NCLN: variants seen among roughly 807,000 people sequenced by gnomAD.
The protein encoded by NCLN is nicalin, also known as BOS complex subunit NCLN.
NCLN carries 34 observed loss-of-function variants against 69.5 expected under a neutral mutation model. The observed-to-expected ratio is 0.49, with a 90% CI of 0.37 to 0.65. NCLN has a LOEUF of 0.65. Ranked by LOEUF, NCLN falls within the 30% of genes least tolerant of loss-of-function variation. NCLN has a pLI of 0.00. For synonymous variants in NCLN, 393 were observed against 358.3 expected, an observed-to-expected ratio of 1.10 and a Z score of -1.09; for missense variants, 710 against 804.8, an observed-to-expected ratio of 0.88 and a Z score of 1.42.
intron 1 of NCLN, among the ~76,000 whole-genome samples, chr19:3,191,387 A>G (rs1384659186): frequency 6.6e-6 from 1 of 152,174 alleles, no homozygotes; most frequent in Non-Finnish European, 1.5e-5. Flanking sequence ...GCTCTCAGCG[A>G]CGGCCGTGGC....
intron 7 of NCLN, 43 bp downstream of exon 7, chr19:3,203,887 G>T: frequency 1.9e-6 from 3 of 1,599,800 alleles, no homozygotes; most frequent in South Asian, 1.1e-5. Context: ...CGGTGGTGGT[G>T]CCGTGGGGAG....
chr19:3,201,656 G>T, intron 6 of NCLN, 30 bp downstream of exon 6: 1 of 1,445,632 alleles, frequency 6.9e-7, no homozygotes, highest in South Asian at 1.2e-5. Flanking sequence ...GGGGGATGGG[G>T]GTGCGGGGGC....
chr19:3,206,550 A>G, intron 12 of NCLN, 125 bp downstream of exon 12: 6 of 1,277,394 alleles, frequency 4.7e-6, no homozygotes, highest in Non-Finnish European at 6.3e-6. Context: ...AGAGGGTGGG[A>G]TGAGGGCCGG....
intron 6 of NCLN, among the ~76,000 whole-genome samples, chr19:3,202,527 C>T (rs1326168891): frequency 6.6e-6 from 1 of 152,222 alleles, no homozygotes; most frequent in Non-Finnish European, 1.5e-5. Context: ...GTCACCTGCT[C>T]CCGAGATGGT....
intron 13 of NCLN, 55 bp from the exon 14 acceptor site, chr19:3,207,336 T>G (rs1212277940): frequency 6.2e-7 from 1 of 1,612,008 alleles, no homozygotes; most frequent in Admixed American, 1.7e-5. Context: ...GGTCTAGGGG[T>G]TCATGTTACT....
At chr19:3,194,360 G>A (rs1599351670) in intron 3 of NCLN, among the ~76,000 whole-genome samples, 1 of 152,220 alleles carries the variant, frequency 6.6e-6, no homozygotes, top group South Asian at 2.1e-4. Flanking sequence ...TCCAGCCTGG[G>A]CAACAAGAGC....
rs1477604130 is a variant in NCLN at position 3,208,300 on chromosome 19, G to T, written c.*612G>T. 1 of 152,342 alleles carries T rather than the reference G, an allele frequency of 6.6e-6. No individual in the cohort carries two copies. The highest frequency in any genetic ancestry group is 1.5e-5 in the Non-Finnish European group (1 of 68,114). 9.4% of individuals were successfully genotyped at this position (152,342 alleles called of 1,614,324 possible). A position where few individuals can be genotyped will look rare whatever the true frequency, so the allele number is the denominator to read the frequency against. The stretch of plus-strand genomic sequence containing the variant: ...CCGTCCCCCTGACAGTGGGCTCGGG[G>T]AGCTGCATCACCCAGCCTTCCCCTT... On this transcript the variant is annotated 3_prime_UTR_variant, in exon 15 of 15. Transcript: ENST00000246117.
At chr19:3,194,555 G>A (rs999276449) in intron 3 of NCLN, among the ~76,000 whole-genome samples, 2 of 152,182 alleles carry the variant, frequency 1.3e-5, no homozygotes, top group Non-Finnish European at 2.9e-5. Flanking sequence ...CTGAATTGCC[G>A]TGGCTGCGGC....
chr19:3,199,060 G>A (rs1916054136), intron 5 of NCLN, among the ~76,000 whole-genome samples, 163 bp downstream of exon 5: 1 of 152,214 alleles, frequency 6.6e-6, no homozygotes, highest in Non-Finnish European at 1.5e-5. Flanking sequence ...CCTCAGGGTG[G>A]GTGTCGTGGG....
rs907478402 is a variant in NCLN, at chr19:3,208,550, A to T, written c.*862A>T. The T allele has an allele frequency of 6.6e-6, 1 of 152,464 alleles. No homozygotes were observed. Among genetic ancestry groups the T allele is most frequent in the Non-Finnish European group, 1.5e-5 (1 of 68,210 alleles). The allele number at this position is 152,464 out of a possible 1,614,324, so 9.4% of individuals were successfully genotyped here. The stretch of plus-strand genomic sequence containing the variant: ...AGCTCCCTGCCCTGAGTCCTGAGCC[A>T]GTGCCTGGTGTTTCCTGGGCTCGGT... On this transcript the variant is annotated 3_prime_UTR_variant, in exon 15 of 15. Transcript: ENST00000246117.
intron 6 of NCLN, 100 bp from the exon 7 acceptor site, chr19:3,203,656 A>C: frequency 9.6e-7 from 1 of 1,041,912 alleles, no homozygotes; most frequent in Admixed American, 2.3e-5. Context: ...TGCTTTGGGG[A>C]GACCTTCATA....
chr19:3,191,290 C>G (rs1290189710), intron 1 of NCLN, among the ~76,000 whole-genome samples: 1 of 152,108 alleles, frequency 6.6e-6, no homozygotes, highest in Non-Finnish European at 1.5e-5. Context: ...GCGGCGAAAC[C>G]AGAAGCCCTG....
chr19:3,203,672 C>T (rs1247628702), intron 6 of NCLN, 84 bp from the exon 7 acceptor site: 1 of 1,263,306 alleles, frequency 7.9e-7, no homozygotes, highest in South Asian at 1.4e-5. Flanking sequence ...TCATACCCTT[C>T]CTGGGGGACC....
chr19:3,207,347 G>T, intron 13 of NCLN, 44 bp from the exon 14 acceptor site: 1 of 1,612,778 alleles, frequency 6.2e-7, no homozygotes, highest in Non-Finnish European at 8.5e-7. Context: ...TCATGTTACT[G>T]CCGCGCACCA....
At position 3,201,557 on chromosome 19, in the gene NCLN, G is replaced by T; in HGVS notation, c.731G>T (p.Gly244Val). 6.4e-7 allele frequency: 1 copy of T among 1,567,992 alleles called. No individual in the cohort carries two copies. Among genetic ancestry groups the T allele is most frequent in the African/African-American group, 1.3e-5 (1 of 74,454 alleles). The change falls in exon 6 of 15, where the codon GGC (glycine) becomes GTC (valine). Residue 244 changes from glycine (G) to valine (V), a missense_variant. Gly to Val is a moderately radical substitution (Grantham distance 109). Coordinates refer to ENST00000246117, the MANE Select transcript of NCLN (RefSeq NM_020170.4). ...CTGGGCGCGGACTCCAACGGGAGCG[G>T]CGTCTCTGTGCTGCTGGAGCTGGCA... The part of the protein sequence containing the change: ...LSLGADSNGS[G>V]VSVLLELARL...
chr19:3,204,853 CCA>C, intron 9 of NCLN, 102 bp downstream of exon 9: 1 of 1,221,796 alleles, frequency 8.2e-7, no homozygotes, highest in Non-Finnish European at 1.1e-6. Context: ...GGAGCGGCCC[CCA>C]CACACAGGCT....
chr19:3,203,074 G>C (rs1485352193), intron 6 of NCLN, among the ~76,000 whole-genome samples: 1 of 152,138 alleles, frequency 6.6e-6, no homozygotes, highest in East Asian at 1.9e-4. Flanking sequence ...CCAGCACTTT[G>C]GAAGCCTGCG....
chr19:3,208,041 C>T lies in NCLN; in HGVS notation c.*353C>T, dbSNP rs574748712. On this transcript the variant is annotated 3_prime_UTR_variant, in exon 15 of 15. Coordinates refer to ENST00000246117, the MANE Select transcript of NCLN (RefSeq NM_020170.4). ...AGAGGAGACGCCGGGACCCCCTGCC[C>T]GATCGCGCGCGGCCTCCGCCCACCG... 54 of 272,782 alleles carry T rather than the reference C, an allele frequency of 2.0e-4. No homozygotes were observed. In the East Asian group the frequency reaches 4.3e-3, roughly 22 times the overall value. The allele number at this position is 272,782 out of a possible 1,614,324, so 16.9% of individuals were successfully genotyped here.
chr19:3,201,667 C>T, intron 6 of NCLN, 41 bp downstream of exon 6: 1 of 1,370,932 alleles, frequency 7.3e-7, no homozygotes, highest in Non-Finnish European at 1.0e-6. Flanking sequence ...GTGCGGGGGC[C>T]ACACTGCCGG....
Sources: allele counts gnomAD v4.1 joint callset (sites outside exome capture counted in the v4.1 genomes callset), GRCh38; gene constraint gnomAD v4.1.1; transcripts MANE v1.5; gene names NCBI Gene and HGNC (gene_info 2026-07-23, HGNC 2026-07-21).